TENM2: variants seen among roughly 807,000 people sequenced by gnomAD.
TENM2 encodes teneurin-2.
A neutral mutation model predicts 245.2 loss-of-function variants in TENM2; 52 were observed. The ratio of observed to expected loss-of-function variants is 0.21; its 90% CI spans 0.17 to 0.27. TENM2 has a LOEUF of 0.27. TENM2 is among the 10% of genes least tolerant of loss of function. TENM2 has a pLI of 1.00. For missense variants in TENM2, 3,046 were observed against 3,666.8 expected, an observed-to-expected ratio of 0.83 and a Z score of 4.37; for synonymous variants, 1,363 against 1,438.9, an observed-to-expected ratio of 0.95 and a Z score of 1.19.
chr5:167,742,703 A>G (rs1346376334), intron 2 of TENM2, among the ~76,000 whole-genome samples: 1 of 151,972 alleles, frequency 6.6e-6, no homozygotes, highest in African/African-American at 2.4e-5. Flanking sequence ...AAGATGCCTA[A>G]GCTTTGGTAG....
intron 4 of TENM2, among the ~76,000 whole-genome samples, chr5:167,966,242 A>C (rs142732154): frequency 1.3e-5 from 2 of 152,300 alleles, no homozygotes; most frequent in African/African-American, 4.8e-5. Context: ...GTGCAGATTG[A>C]CAAGGGAGAA....
the TENM2 span, among the ~76,000 whole-genome samples, chr5:167,024,611 T>C: frequency 6.6e-6 from 1 of 152,128 alleles, no homozygotes; most frequent in Non-Finnish European, 1.5e-5. Context: ...TGTAGGGATC[T>C]GCATTAAGAG....
chr5:167,508,056 T>C (rs1769672992), intron 2 of TENM2, among the ~76,000 whole-genome samples: 1 of 152,150 alleles, frequency 6.6e-6, no homozygotes, highest in African/African-American at 2.4e-5. Flanking sequence ...GAAACCCCAC[T>C]GAACATGTGG....
intron 1 of TENM2, among the ~76,000 whole-genome samples, chr5:167,307,468 G>T (rs969954140): frequency 5.9e-5 from 9 of 152,188 alleles, no homozygotes; most frequent in African/African-American, 1.9e-4. Flanking sequence ...GAGGATGAGG[G>T]TATGGAAACT....
At chr5:167,943,505 A>T (rs1284059988) in intron 3 of TENM2, among the ~76,000 whole-genome samples, 1 of 152,122 alleles carries the variant, frequency 6.6e-6, no homozygotes, top group African/African-American at 2.4e-5. Context: ...TGGCTTTTTT[A>T]AAAAAATAGC....
chr5:167,466,619 T>C (rs1380851918), intron 2 of TENM2, among the ~76,000 whole-genome samples: 2 of 152,222 alleles, frequency 1.3e-5, no homozygotes, highest in Non-Finnish European at 2.9e-5. Context: ...TAGTTAAAAA[T>C]ACTTAAAATA....
intron 2 of TENM2, among the ~76,000 whole-genome samples, chr5:167,653,051 C>T (rs1030878331): frequency 2.0e-5 from 3 of 151,782 alleles, no homozygotes; most frequent in African/African-American, 7.2e-5. Context: ...TTTTTTTCAG[C>T]AAAAAATGAT....
At chr5:168,127,975 G>A (rs1042985414) in intron 12 of TENM2, among the ~76,000 whole-genome samples, 1 of 152,176 alleles carries the variant, frequency 6.6e-6, no homozygotes, top group Non-Finnish European at 1.5e-5. Context: ...GGGCCACCTG[G>A]AGTGAGAGAC....
chr5:168,184,753 G>A (rs531734364), intron 13 of TENM2, among the ~76,000 whole-genome samples: 20 of 152,284 alleles, frequency 1.3e-4, no homozygotes, highest in African/African-American at 4.8e-4. Context: ...TCGACACAGG[G>A]CCTCCTTCCT....
At chr5:167,015,771 T>A in the TENM2 span, among the ~76,000 whole-genome samples, 4 of 151,962 alleles carry the variant, frequency 2.6e-5, no homozygotes, top group Non-Finnish European at 5.9e-5. Flanking sequence ...CAAGATATAT[T>A]TTTTTTTCTT....
intron 5 of TENM2, among the ~76,000 whole-genome samples, chr5:168,030,593 G>A (rs1323917076): frequency 3.3e-5 from 5 of 151,948 alleles, no homozygotes; most frequent in South Asian, 2.1e-4. Context: ...CGAAACCATC[G>A]GCCCAGACAG....
chr5:168,085,897 T>A (rs561257443), intron 7 of TENM2, among the ~76,000 whole-genome samples: 2 of 152,308 alleles, frequency 1.3e-5, no homozygotes, highest in Admixed American at 6.5e-5. Context: ...AGAATCAACA[T>A]CAGACATCGT....
At chr5:167,018,178 A>G in the TENM2 span, among the ~76,000 whole-genome samples, 2 of 152,178 alleles carry the variant, frequency 1.3e-5, no homozygotes, top group Non-Finnish European at 2.9e-5. Context: ...ATATGAGAAG[A>G]CTTGTACAGT....
chr5:167,494,916 G>A (rs1288455755), intron 2 of TENM2, among the ~76,000 whole-genome samples: 1 of 152,028 alleles, frequency 6.6e-6, no homozygotes, highest in African/African-American at 2.4e-5. Flanking sequence ...AGACTATTAT[G>A]AATAATTTTA....
chr5:168,237,000 A>ATT lies in TENM2; in HGVS notation c.5521-7388_5521-7387dup, dbSNP rs1167021328. Among the ~76,000 whole-genome samples the ATT allele has an allele frequency of 4.7e-4, 3 of 6,316 alleles. 1 individual carries two copies. Among genetic ancestry groups the ATT allele is most frequent in the African/African-American group, 1.7e-3 (2 of 1,150 alleles). 4.1% of individuals were successfully genotyped at this position (6,316 alleles called of 152,430 possible). On this transcript the variant is annotated intron_variant, in intron 25 of 28. Coordinates refer to ENST00000518659, the Ensembl canonical transcript of TENM2. ...TATATATATATATATATATATATAT[A>ATT]TTTTTTTTTTTTTTTTTTTTTTTTT...
chr5:167,629,871 A>G (rs1778749542), intron 2 of TENM2, among the ~76,000 whole-genome samples: 1 of 151,944 alleles, frequency 6.6e-6, no homozygotes, highest in African/African-American at 2.4e-5. Flanking sequence ...ATTATCTAGT[A>G]GAAAGAAGGA....
chr5:167,103,448 A>G, the TENM2 span, among the ~76,000 whole-genome samples: 1 of 152,358 alleles, frequency 6.6e-6, no homozygotes, highest in African/African-American at 2.4e-5. Context: ...AGCTGTAAAT[A>G]TCTAGTTTTC....
chr5:167,188,533 A>G, the TENM2 span, among the ~76,000 whole-genome samples: 12 of 151,932 alleles, frequency 7.9e-5, no homozygotes, highest in East Asian at 5.8e-4. Context: ...AGGGAAAGAG[A>G]CCATTTTTTT....
chr5:167,390,043 T>C (rs925510495), intron 2 of TENM2, among the ~76,000 whole-genome samples: 10 of 152,196 alleles, frequency 6.6e-5, no homozygotes, highest in Non-Finnish European at 8.8e-5. Flanking sequence ...TGATCCCAGG[T>C]CCTATTGTAC....
Sources: allele counts gnomAD v4.1 joint callset (sites outside exome capture counted in the v4.1 genomes callset), GRCh38; gene constraint gnomAD v4.1.1; transcripts MANE v1.5; gene names NCBI Gene and HGNC (gene_info 2026-07-23, HGNC 2026-07-21).